Variants in HS2ST1 observed in about 807,000 individuals in gnomAD.
HS2ST1 encodes heparan sulfate 2-O-sulfotransferase 1.
A neutral mutation model predicts 42.9 loss-of-function variants in HS2ST1; 18 were observed. The observed-to-expected ratio is 0.42, with a 90% CI of 0.29 to 0.62. The LOEUF is 0.62. Ranked by LOEUF, HS2ST1 falls within the 20% of genes least tolerant of loss-of-function variation. HS2ST1 has a pLI of 0.21. For missense variants in HS2ST1, 334 were observed against 433.8 expected (o/e 0.77, Z 2.04); for synonymous variants, 146 against 152.9 (o/e 0.95, Z 0.33).
chr1:86,984,922 A>G (rs906785565), intron 1 of HS2ST1, among the ~76,000 whole-genome samples: 80 of 150,974 alleles, frequency 5.3e-4, no homozygotes, highest in African/African-American at 1.9e-3. Context: ...AAAAAAAAAA[A>G]AAGTTATGCC....
At chr1:87,051,520 T>C (rs1288665736) in intron 1 of HS2ST1, among the ~76,000 whole-genome samples, 1 of 152,228 alleles carries the variant, frequency 6.6e-6, no homozygotes, top group African/African-American at 2.4e-5. Flanking sequence ...TATTAAAATG[T>C]CTATTGTATA....
chr1:86,940,906 A>G (rs559166527), intron 1 of HS2ST1, among the ~76,000 whole-genome samples: 14 of 152,226 alleles, frequency 9.2e-5, no homozygotes, highest in Middle Eastern at 3.4e-3. Context: ...AGGTGTCAGG[A>G]TCACTTGAGC....
At chr1:86,929,505 A>G (rs1022496538) in intron 1 of HS2ST1, among the ~76,000 whole-genome samples, 11 of 151,852 alleles carry the variant, frequency 7.2e-5, no homozygotes, top group African/African-American at 2.2e-4. Context: ...TAGAAAAGCT[A>G]TGGCTTTTTG....
chr1:86,916,209 G>C (rs778449036), intron 1 of HS2ST1, among the ~76,000 whole-genome samples: 43 of 152,096 alleles, frequency 2.8e-4, no homozygotes, highest in African/African-American at 9.7e-4. Context: ...AATGTACATG[G>C]CACTTAAAAA....
intron 1 of HS2ST1, among the ~76,000 whole-genome samples, chr1:86,936,933 T>TAACA (rs1660666944): frequency 2.0e-5 from 2 of 98,398 alleles, no homozygotes; most frequent in Non-Finnish European, 4.2e-5. Flanking sequence ...CCGTCTCTAC[T>TAACA]AAAAAAAAAA....
intron 1 of HS2ST1, among the ~76,000 whole-genome samples, chr1:87,007,092 A>G (rs1649461101): frequency 6.6e-6 from 1 of 152,106 alleles, no homozygotes; most frequent in Admixed American, 6.5e-5. Flanking sequence ...AGTTCTGTAT[A>G]GATTATACCT....
In HS2ST1 at chr1:86,963,096, C is replaced by T. The variant is rs945909039; in HGVS notation, c.124+47936C>T. ...AAAAACAAAAAGTCCTGAGAAAGTT[C>T]GAATTTTTTTTCATATTTTTCTGTC... On this transcript the variant is annotated intron_variant, in intron 1 of 6. Transcript: ENST00000370550. Among the ~76,000 whole-genome samples the T allele has an allele frequency of 4.6e-5, 7 of 151,308 alleles. No individual in the cohort carries two copies. The East Asian group carries it at 1.4e-3, about 29-fold the overall frequency.
intron 1 of HS2ST1, among the ~76,000 whole-genome samples, chr1:86,964,257 A>G (rs1299375711): frequency 4.6e-5 from 7 of 152,194 alleles, no homozygotes; most frequent in Admixed American, 2.6e-4. Context: ...AGAGGCTGCA[A>G]TCTCGGCACT....
chr1:87,082,396 T>C (rs957687742), intron 2 of HS2ST1, among the ~76,000 whole-genome samples: 4 of 152,236 alleles, frequency 2.6e-5, no homozygotes, highest in Admixed American at 2.6e-4. Flanking sequence ...TCTTCCCTGC[T>C]GTTTAGTTTA....
At chr1:87,057,395 G>T (rs1272548230) in intron 1 of HS2ST1, among the ~76,000 whole-genome samples, 3 of 151,882 alleles carry the variant, frequency 2.0e-5, no homozygotes, top group Non-Finnish European at 2.9e-5. Context: ...TCTGGCTTCT[G>T]CCCACTTTTC....
chr1:87,046,659 C>T (rs1387153987), intron 1 of HS2ST1: 10 of 1,506,760 alleles, frequency 6.6e-6, no homozygotes, highest in Non-Finnish European at 7.1e-6. Context: ...CAGAATGAAC[C>T]CCAGTTAGGC....
chr1:87,045,303 G>T, intron 1 of HS2ST1: 6 of 1,157,162 alleles, frequency 5.2e-6, no homozygotes, highest in Non-Finnish European at 7.9e-6. Context: ...TCTGCTTGAA[G>T]CCAGCTGCAA....
At chr1:87,004,050 C>CGT (rs1553136702) in intron 1 of HS2ST1, among the ~76,000 whole-genome samples, 2 of 152,024 alleles carry the variant, frequency 1.3e-5, no homozygotes, top group South Asian at 4.1e-4. Flanking sequence ...TGCCACCAAA[C>CGT]AGCTTCTGAA....
intron 1 of HS2ST1, chr1:87,045,921 C>T (rs1320395685): frequency 1.0e-5 from 7 of 700,744 alleles, no homozygotes; most frequent in Admixed American, 1.8e-5. Context: ...TCTCCCACGT[C>T]GACCTGATTG....
intron 1 of HS2ST1, among the ~76,000 whole-genome samples, chr1:87,052,248 G>T (rs1290922500): frequency 6.7e-6 from 1 of 149,842 alleles, no homozygotes; most frequent in Non-Finnish European, 1.5e-5. Context: ...GCGAGACCCT[G>T]TCTCAAAAAA....
chr1:86,990,838 T>A (rs6684201), intron 1 of HS2ST1, among the ~76,000 whole-genome samples: 718 of 27,594 alleles, frequency 0.026, 3 homozygotes, highest in African/African-American at 0.046. Context: ...ATATATATAT[T>A]TTTTTTTTTT....
chr1:87,080,184 A>G (rs770973643), intron 2 of HS2ST1, among the ~76,000 whole-genome samples: 6 of 152,218 alleles, frequency 3.9e-5, no homozygotes, highest in Non-Finnish European at 8.8e-5. Flanking sequence ...TCTTGGTTTC[A>G]ACCAGGAGTA....
chr1:86,918,939 C>G (rs1280637070), intron 1 of HS2ST1, among the ~76,000 whole-genome samples: 2 of 148,400 alleles, frequency 1.3e-5, no homozygotes, highest in African/African-American at 2.5e-5. Context: ...CTTTATCTAT[C>G]CTATGTCTTT....
At chr1:86,939,726 G>C (rs548820647) in intron 1 of HS2ST1, among the ~76,000 whole-genome samples, 1 of 152,216 alleles carries the variant, frequency 6.6e-6, no homozygotes, top group East Asian at 1.9e-4. Flanking sequence ...GTTAAAATTG[G>C]CTCCTAAAAA....
Sources: gnomAD v4.1 joint callset for allele counts (sites outside exome capture counted in the v4.1 genomes callset) on GRCh38, gnomAD v4.1.1 for gene constraint, MANE v1.5 for transcripts, NCBI Gene and HGNC (gene_info 2026-07-23, HGNC 2026-07-21) for gene names.